The following NLGN4X variants were observed in gnomAD, a reference collection of about 807,000 sequenced individuals.
NLGN4X encodes the protein neuroligin 4 X-linked.
NLGN4X carries 3 observed loss-of-function variants against 40.3 expected under a neutral mutation model. The ratio of observed to expected loss-of-function variants is 0.07; its 90% CI spans 0.03 to 0.19. The LOEUF (loss-of-function observed/expected upper bound fraction) is 0.19, where lower values mean the gene tolerates loss of function less well. NLGN4X is among the 10% of genes least tolerant of loss of function. The pLI is 1.00. For synonymous variants in NLGN4X, 270 were observed against 306.8 expected, an observed-to-expected ratio of 0.88 and a Z score of 1.25; for missense variants, 382 against 708.3, an observed-to-expected ratio of 0.54 and a Z score of 5.23.
chrX:5,911,041 G>A (rs188003580), intron 3 of NLGN4X, among the ~76,000 whole-genome samples: 1 of 111,448 alleles, frequency 9.0e-6, no homozygotes, highest in East Asian at 2.8e-4. Flanking sequence ...TGACACGATC[G>A]TTCATAAAAG....
At chrX:6,059,022 T>A (rs1370339007) in intron 2 of NLGN4X, among the ~76,000 whole-genome samples, 4 of 111,488 alleles carry the variant, frequency 3.6e-5, no homozygotes, top group Non-Finnish European at 7.5e-5. Flanking sequence ...GAGATGACTA[T>A]TGATCAAAGT....
Position 5,938,964 on chromosome X carries a change from T to C in NLGN4X, c.626-29725A>G, listed in dbSNP as rs1438614934. 4.9e-5 allele frequency among the ~76,000 whole-genome samples: 5 copies of C among 102,018 alleles called. No homozygotes were observed. The South Asian group carries it at 1.3e-3, about 26-fold the overall frequency. 88.6% of individuals were successfully genotyped at this position (102,018 alleles called of 115,157 possible). A position where few individuals can be genotyped will look rare whatever the true frequency, so the allele number is the denominator to read the frequency against. On this transcript the variant is annotated intron_variant, in intron 3 of 5. Transcript: ENST00000381095. ...TTATGTGTGTTTGTATTTGTGTGTG[T>C]GCGTGTGTGTGTGTGTGTGTGTGTG...
rs756506923 is a variant in NLGN4X at position 6,074,362 on chromosome X, G to A, written c.473-44930C>T. ...AAAGTGACTCCAAAACTTGCCCTCC[G>A]GGAAGCCTGAGGTGGGGTGGTATTA... is the stretch of plus-strand genomic sequence containing the variant. On this transcript the variant is annotated intron_variant, in intron 2 of 5. Transcript: ENST00000381095. Among the ~76,000 whole-genome samples the A allele has an allele frequency of 3.6e-5, 4 of 111,610 alleles. No homozygotes were observed. The East Asian group carries it at 8.5e-4, about 24-fold the overall frequency.
chrX:6,030,392 A>ATTGTG (rs56353701), intron 2 of NLGN4X, among the ~76,000 whole-genome samples: 368 of 68,280 alleles, frequency 5.4e-3, no homozygotes, highest in Middle Eastern at 6.4e-3. Context: ...CTGGATACAG[A>ATTGTG]TATGTGTGTG....
At chrX:6,148,549 C>T (rs1418689574) in intron 2 of NLGN4X, among the ~76,000 whole-genome samples, 1 of 110,593 alleles carries the variant, frequency 9.0e-6, no homozygotes, top group Non-Finnish European at 1.9e-5. Context: ...CGGAGTCTTG[C>T]TATGTTGCCA....
intron 1 of NLGN4X, among the ~76,000 whole-genome samples, chrX:6,221,430 T>TATATATATATATA (rs1925700370): frequency 2.1e-4 from 19 of 91,901 alleles, no homozygotes; most frequent in Non-Finnish European, 3.2e-4. Context: ...TATATATATA[T>TATATATATATATA]TTGCTTTTAT....
At chrX:6,194,923 A>G (rs182088736) in intron 1 of NLGN4X, among the ~76,000 whole-genome samples, 71 of 111,805 alleles carry the variant, frequency 6.4e-4, no homozygotes, top group Admixed American at 2.3e-3. Flanking sequence ...CATTTTTTCA[A>G]GATATCAAGC....
At chrX:6,161,651 T>C (rs1397111324) in intron 1 of NLGN4X, among the ~76,000 whole-genome samples, 4 of 107,954 alleles carry the variant, frequency 3.7e-5, no homozygotes, top group Non-Finnish European at 5.7e-5. Context: ...ATATTATATT[T>C]AGGAGTTTAA....
chrX:6,108,920 G>A (rs988420206), intron 2 of NLGN4X, among the ~76,000 whole-genome samples: 4 of 110,968 alleles, frequency 3.6e-5, no homozygotes, highest in African/African-American at 1.3e-4. Flanking sequence ...AGCAGCATGA[G>A]ACTAACCTCA....
At chrX:6,186,597 T>C (rs1922034004) in intron 1 of NLGN4X, among the ~76,000 whole-genome samples, 1 of 112,035 alleles carries the variant, frequency 8.9e-6, no homozygotes, top group African/African-American at 3.3e-5. Context: ...GGAAACCTTA[T>C]GAGTTTGAGA....
intron 3 of NLGN4X, among the ~76,000 whole-genome samples, chrX:5,935,108 G>T (rs1202834447): frequency 9.0e-6 from 1 of 111,557 alleles, no homozygotes; most frequent in Non-Finnish European, 1.9e-5. Flanking sequence ...TACAGAGATA[G>T]AAAAAAATGA....
At chrX:5,975,630 G>C in intron 3 of NLGN4X, among the ~76,000 whole-genome samples, 1 of 94,480 alleles carries the variant, frequency 1.1e-5, no homozygotes, top group Non-Finnish European at 2.1e-5. Flanking sequence ...AAAAAAAAAA[G>C]CAGTTTAAAA....
chrX:6,213,252 T>C (rs910228218), intron 1 of NLGN4X, among the ~76,000 whole-genome samples: 2 of 111,648 alleles, frequency 1.8e-5, no homozygotes, highest in African/African-American at 6.5e-5. Context: ...CACATACCCC[T>C]GTCTAAAACA....
intron 3 of NLGN4X, among the ~76,000 whole-genome samples, chrX:5,915,711 T>C (rs903919453): frequency 3.6e-5 from 4 of 111,854 alleles, no homozygotes; most frequent in African/African-American, 1.3e-4. Context: ...AGCTGATTTT[T>C]GTATGTTTAG....
intron 2 of NLGN4X, among the ~76,000 whole-genome samples, chrX:6,042,724 T>C (rs199552941): frequency 0.021 from 941 of 44,998 alleles, 43 homozygotes; most frequent in South Asian, 0.14. Flanking sequence ...TATATATATA[T>C]ATATATACAC....
intron 3 of NLGN4X, among the ~76,000 whole-genome samples, chrX:6,024,459 G>A (rs781540260): frequency 9.0e-6 from 1 of 110,986 alleles, no homozygotes; most frequent in Admixed American, 9.6e-5. Context: ...GCTGGGTAAC[G>A]TAAGGCTGGG....
chrX:6,201,924 T>G (rs905508360), intron 1 of NLGN4X, among the ~76,000 whole-genome samples: 4 of 111,161 alleles, frequency 3.6e-5, no homozygotes, highest in Non-Finnish European at 7.5e-5. Context: ...GATGCAAAGC[T>G]ACATAGGACA....
intron 3 of NLGN4X, among the ~76,000 whole-genome samples, chrX:5,940,611 A>T (rs1231649316): frequency 9.4e-6 from 1 of 105,928 alleles, no homozygotes; most frequent in Non-Finnish European, 1.9e-5. Flanking sequence ...AAAAAAAAAA[A>T]CTTTTTTTTT....
intron 3 of NLGN4X, among the ~76,000 whole-genome samples, chrX:6,010,381 G>A (rs764478404): frequency 9.1e-6 from 1 of 109,382 alleles, no homozygotes; most frequent in African/African-American, 3.3e-5. Flanking sequence ...CAGCCTCCAG[G>A]ACTCTAACAA....
Sources: gnomAD v4.1 joint callset for allele counts (sites outside exome capture counted in the v4.1 genomes callset) on GRCh38, gnomAD v4.1.1 for gene constraint, MANE v1.5 for transcripts, NCBI Gene and HGNC (gene_info 2026-07-23, HGNC 2026-07-21) for gene names.